Variants in ACACB observed in about 807,000 individuals in gnomAD.
ACACB encodes acetyl-CoA carboxylase 2.
Under a neutral mutation model 278.8 loss-of-function variants are expected in ACACB, and 209 were observed. That is an observed-to-expected ratio of 0.75 (90% CI 0.67 to 0.84). The LOEUF (loss-of-function observed/expected upper bound fraction) is 0.84. Ranked by LOEUF, ACACB falls within the 40% of genes least tolerant of loss-of-function variation. ACACB has a pLI of 0.00. For missense variants in ACACB, 2,850 were observed against 3,269.0 expected (o/e 0.87, Z 3.13); for synonymous variants, 1,174 against 1,285.6 (o/e 0.91, Z 1.86).
intron 2 of ACACB, among the ~76,000 whole-genome samples, chr12:109,166,415 C>T (rs1320480049): frequency 6.6e-6 from 1 of 151,880 alleles, no homozygotes; most frequent in East Asian, 1.9e-4. Flanking sequence ...CAGTTGGGTA[C>T]AGTGGTTCAC....
intron 24 of ACACB, among the ~76,000 whole-genome samples, chr12:109,222,061 TA>T (rs1310611220): frequency 6.6e-6 from 1 of 151,560 alleles, no homozygotes. Context: ...CTAATTTTTC[TA>T]TTTTTTTTTT....
intron 2 of ACACB, among the ~76,000 whole-genome samples, chr12:109,158,142 C>A (rs2043603139): frequency 6.6e-6 from 1 of 152,126 alleles, no homozygotes; most frequent in Non-Finnish European, 1.5e-5. Flanking sequence ...TCGTGCCTAG[C>A]TTGGGGTCAG....
intron 2 of ACACB, among the ~76,000 whole-genome samples, chr12:109,161,049 G>T (rs986639453): frequency 2.6e-5 from 4 of 152,156 alleles, no homozygotes; most frequent in Non-Finnish European, 5.9e-5. Flanking sequence ...CAGAATGAGG[G>T]GTGCGGCTGT....
intron 6 of ACACB, 49 bp downstream of exon 6, chr12:109,172,405 C>A: frequency 6.4e-7 from 1 of 1,559,524 alleles, no homozygotes; most frequent in Non-Finnish European, 8.8e-7. Context: ...ATTGCTGGGA[C>A]ACTCTGCTGG....
rs1457436535 is a variant in ACACB at position 109,139,429 on chromosome 12, T to C, written c.24T>C (p.Ser8=). The C allele has an allele frequency of 3.7e-6, 6 of 1,613,952 alleles. No individual in the cohort carries two copies. Among genetic ancestry groups the C allele is most frequent in the Non-Finnish European group, 4.2e-6 (5 of 1,179,918 alleles). MVLLLCL[S]CLIFSCLTFS... ...GAATGGTCTTGCTTCTTTGTCTATCTTGTCTGATTTTCTCCTGTCTGACCT... is the reference window on the plus strand; with the variant it reads ...GAATGGTCTTGCTTCTTTGTCTATCCTGTCTGATTTTCTCCTGTCTGACCT... The change falls in exon 2 of 53, where the codon TCT becomes TCC. Residue 8 remains serine, a synonymous_variant. Coordinates refer to ENST00000338432, the MANE Select transcript of ACACB (RefSeq NM_001093.4).
intron 31 of ACACB, among the ~76,000 whole-genome samples, chr12:109,234,802 G>A (rs979876896): frequency 7.2e-5 from 11 of 152,142 alleles, no homozygotes; most frequent in Admixed American, 7.2e-4. Flanking sequence ...GCCTGTCGGG[G>A]GGTGGGGGCC....
At chr12:109,254,440 C>T (rs1477113675) in intron 44 of ACACB, 106 bp downstream of exon 44, 7 of 1,111,458 alleles carry the variant, frequency 6.3e-6, no homozygotes, top group Admixed American at 2.6e-5. Context: ...GCTTGATATT[C>T]GTTCTCATAT....
chr12:109,176,044 A>C lies in ACACB; in HGVS notation c.1326+4A>C, dbSNP rs750105017. 1 of 1,614,024 alleles carries C rather than the reference A, an allele frequency of 6.2e-7. No individual in the cohort carries two copies. Among genetic ancestry groups the C allele is most frequent in the Non-Finnish European group, 8.5e-7 (1 of 1,179,874 alleles). ...AGACGTAGATGAGGGCTTGGAGGTAAATGCAGAGCCTGTGGGGGCCAGGGG... is the reference window on the plus strand; with the variant it reads ...AGACGTAGATGAGGGCTTGGAGGTACATGCAGAGCCTGTGGGGGCCAGGGG... On this transcript the variant is annotated splice_donor_region_variant and intron_variant, in intron 8 of 52. Transcript: ENST00000338432.
chr12:109,210,141 A>G lies in ACACB; in HGVS notation c.3249+788A>G, dbSNP rs1315650987. 1.8e-4 allele frequency among the ~76,000 whole-genome samples: 9 copies of G among 48,990 alleles called. 1 individual carries two copies. Among genetic ancestry groups the G allele is most frequent in the African/African-American group, 6.3e-4 (7 of 11,124 alleles). The allele number at this position is 48,990 out of a possible 152,430, so 32.1% of individuals were successfully genotyped here. A position where few individuals can be genotyped will look rare whatever the true frequency, so the allele number is the denominator to read the frequency against. The stretch of plus-strand genomic sequence containing the variant: ...TACACGTACATGTATGTGTGTATAT[A>G]TGTATATATACACACGTGTGTATAT... On this transcript the variant is annotated intron_variant, in intron 21 of 52. Coordinates refer to ENST00000338432, the MANE Select transcript of ACACB (RefSeq NM_001093.4).
intron 22 of ACACB, among the ~76,000 whole-genome samples, chr12:109,214,932 C>T (rs2045949376): frequency 6.6e-6 from 1 of 152,016 alleles, no homozygotes; most frequent in Non-Finnish European, 1.5e-5. Flanking sequence ...ACCCTGTCTA[C>T]AAAATATACA....
Position 109,176,994 on chromosome 12 carries a change from C to T in ACACB, c.1437+731C>T, listed in dbSNP as rs564327684. Among the ~76,000 whole-genome samples, 11 of 152,310 alleles carry T rather than the reference C, an allele frequency of 7.2e-5. No individual in the cohort carries two copies. In the East Asian group the frequency reaches 7.7e-4, roughly 11 times the overall value. ...TTTTCCTCTTTTAAAACCTTATGTC[C>T]GTTATCAGCAATGTTTAGAAAACAT... On this transcript the variant is annotated intron_variant, in intron 9 of 52. Coordinates refer to ENST00000338432, the MANE Select transcript of ACACB (RefSeq NM_001093.4).
chr12:109,132,059 G>A (rs2042842940), intron 1 of ACACB, among the ~76,000 whole-genome samples: 1 of 152,196 alleles, frequency 6.6e-6, no homozygotes, highest in Admixed American at 6.5e-5. Flanking sequence ...CTGCAGTGGT[G>A]GGACAGTGGA....
At chr12:109,240,080 G>A in intron 35 of ACACB, 95 bp downstream of exon 35, 1 of 1,438,316 alleles carries the variant, frequency 7.0e-7, no homozygotes, top group South Asian at 1.3e-5. Context: ...CAAGACCTGG[G>A]TTCCAGGATG....
At chr12:109,233,542 CT>C (rs772404268) in intron 29 of ACACB, among the ~76,000 whole-genome samples, 3 of 152,234 alleles carry the variant, frequency 2.0e-5, no homozygotes, top group Non-Finnish European at 2.9e-5. Flanking sequence ...TAGGTTCATT[CT>C]TCCCTTTTGG....
upstream of ACACB, among the ~76,000 whole-genome samples, chr12:109,112,358 C>A (rs946391662): frequency 5.3e-5 from 8 of 151,090 alleles, no homozygotes; most frequent in Non-Finnish European, 1.2e-4. Flanking sequence ...GTACACAGAG[C>A]AGCTTCTGGG....
chr12:109,261,700 G>A (rs1451027510), intron 48 of ACACB, among the ~76,000 whole-genome samples: 5 of 151,786 alleles, frequency 3.3e-5, no homozygotes, highest in Admixed American at 2.0e-4. Flanking sequence ...GTGAAACCCC[G>A]TCTCTACTAA....
chr12:109,124,920 T>C (rs1467707822), intron 1 of ACACB, among the ~76,000 whole-genome samples: 2 of 152,148 alleles, frequency 1.3e-5, no homozygotes, highest in Non-Finnish European at 2.9e-5. Context: ...TTCACTACAT[T>C]GCCCAGGCTG....
rs768058278 is a variant in ACACB at position 109,174,152 on chromosome 12, TG to T, written c.1141del (p.Ala381ProfsTer2). 3.1e-6 allele frequency: 5 copies of T among 1,612,284 alleles called. No individual in the cohort carries two copies. In the South Asian group the frequency reaches 5.5e-5, roughly 18 times the overall value. ...CTCAGGCCCTCCCAGTGAGGCCATG[TG>T]GGCCTTAGGAGATAAGATCGCCTCC... is the stretch of plus-strand genomic sequence containing the variant. ...AFLGPPSEAM[W>X]ALGDKIASTV... On this transcript the variant is annotated frameshift_variant, in exon 7 of 53. Coordinates refer to ENST00000338432, the MANE Select transcript of ACACB (RefSeq NM_001093.4). LOFTEE classifies it high-confidence loss of function.
intron 15 of ACACB, 94 bp downstream of exon 15, chr12:109,192,044 C>A: frequency 1.5e-6 from 2 of 1,317,434 alleles, no homozygotes; most frequent in Non-Finnish European, 2.1e-6. Flanking sequence ...GCCAGTTAGT[C>A]ACCAGGCAAT....
Sources: allele counts gnomAD v4.1 joint callset (sites outside exome capture counted in the v4.1 genomes callset), GRCh38; gene constraint gnomAD v4.1.1; transcripts MANE v1.5; gene names NCBI Gene and HGNC (gene_info 2026-07-23, HGNC 2026-07-21).